AGAP1: variants seen among roughly 807,000 people sequenced by gnomAD.
The protein encoded by AGAP1 is arf-GAP with GTPase, ANK repeat and PH domain-containing protein 1.
AGAP1 carries 29 observed loss-of-function variants against 105.3 expected under a neutral mutation model. That is an observed-to-expected ratio of 0.28 (90% confidence interval 0.21 to 0.38). The LOEUF is 0.38. AGAP1 is among the 10% of genes least tolerant of loss of function. The pLI is 1.00. For synonymous variants in AGAP1, 509 were observed against 485.9 expected (o/e 1.05, Z -0.63); for missense variants, 998 against 1,165.1 (o/e 0.86, Z 2.09).
intron 15 of AGAP1, among the ~76,000 whole-genome samples, chr2:236,047,374 G>A (rs986459602): frequency 6.6e-6 from 1 of 151,990 alleles, no homozygotes; most frequent in Admixed American, 6.6e-5. Flanking sequence ...CGCCAGCTGT[G>A]TGCCATGCCT....
chr2:235,618,296 G>A (rs1004521110), intron 1 of AGAP1, among the ~76,000 whole-genome samples: 1 of 152,124 alleles, frequency 6.6e-6, no homozygotes, highest in Non-Finnish European at 1.5e-5. Flanking sequence ...AATTCCAGTA[G>A]GTTTTTGTAG....
In AGAP1 at chr2:235,971,294, A is replaced by G. The variant is rs1223809123; in HGVS notation, c.1645+2671A>G. Among the ~76,000 whole-genome samples the G allele has an allele frequency of 6.6e-6, 1 of 152,256 alleles. No individual in the cohort carries two copies. The highest frequency in any genetic ancestry group is 1.5e-5 in the Non-Finnish European group (1 of 68,046). On this transcript the variant is annotated intron_variant, in intron 13 of 17. Coordinates refer to ENST00000304032, the MANE Select transcript of AGAP1 (RefSeq NM_001037131.3). This position sits in a 1 kb window ranked among gnomAD's most constrained non-coding sequence, Gnocchi z 4.8. ...AAGCCACATTTTCCCCCCAAATTGT[A>G]ACATATCTGAAGTCAGAACATATCA... is the stretch of plus-strand genomic sequence containing the variant.
chr2:235,717,506 GC>G lies in AGAP1; in HGVS notation c.223-49del, dbSNP rs1951177026. On this transcript the variant is annotated intron_variant, in intron 2 of 17. Coordinates refer to ENST00000304032, the MANE Select transcript of AGAP1 (RefSeq NM_001037131.3). Reference sequence around the variant, plus strand: ...TTTAGCCTCTTAGTATTTGCAAAATGCCAAATAGAGTGATTTGATGATGCTT... The same window carrying G: ...TTTAGCCTCTTAGTATTTGCAAAATGCAAATAGAGTGATTTGATGATGCTT... 4 of 1,499,510 alleles carry G rather than the reference GC, an allele frequency of 2.7e-6. No individual in the cohort carries two copies. The African/African-American group carries it at 4.2e-5, about 16-fold the overall frequency. 92.9% of individuals were successfully genotyped at this position (1,499,510 alleles called of 1,614,324 possible). A position where few individuals can be genotyped will look rare whatever the true frequency, so the allele number is the denominator to read the frequency against.
Position 236,101,884 on chromosome 2 carries a change from T to G in AGAP1, c.2115-18308T>G, listed in dbSNP as rs1288795539. Among the ~76,000 whole-genome samples the G allele has an allele frequency of 2.0e-5, 3 of 152,238 alleles. No individual in the cohort carries two copies. Among genetic ancestry groups the G allele is most frequent in the African/African-American group, 7.2e-5 (3 of 41,474 alleles). On this transcript the variant is annotated intron_variant, in intron 16 of 17. Coordinates refer to ENST00000304032, the MANE Select transcript of AGAP1 (RefSeq NM_001037131.3). The surrounding 1 kb of genome is among the most constrained non-coding windows in gnomAD (Gnocchi z 4.9). Reference sequence around the variant, plus strand: ...GTTCACATTTTTTCTAATGGTGAAGTACAGAAACTTCCATTCTGTGTGTGA... The same window carrying G: ...GTTCACATTTTTTCTAATGGTGAAGGACAGAAACTTCCATTCTGTGTGTGA...
chr2:235,831,777 G>C (rs944071058), intron 9 of AGAP1, among the ~76,000 whole-genome samples: 7 of 152,166 alleles, frequency 4.6e-5, no homozygotes, highest in African/African-American at 7.2e-5. Context: ...ACACATTTGG[G>C]TGCAGGTTTT....
At chr2:236,048,940 C>T in intron 15 of AGAP1, 119 bp from the exon 16 acceptor site, 9 of 974,030 alleles carry the variant, frequency 9.2e-6, no homozygotes, top group Non-Finnish European at 1.4e-5. Context: ...TTTTTCTCGC[C>T]ATGGATGTGG....
chr2:235,807,187 G>T, intron 8 of AGAP1, 52 bp from the exon 9 acceptor site: 2 of 1,559,378 alleles, frequency 1.3e-6, no homozygotes, highest in South Asian at 2.3e-5. Context: ...GCAGAGCCCC[G>T]TCTGTGAACC....
At chr2:235,604,385 G>A (rs1475180921) in intron 1 of AGAP1, among the ~76,000 whole-genome samples, 1 of 151,436 alleles carries the variant, frequency 6.6e-6, no homozygotes, top group Non-Finnish European at 1.5e-5. Context: ...GGGAAGCTGA[G>A]GCAGGAAGAT....
Position 235,596,271 on chromosome 2 carries a change from C to G in AGAP1, c.163+101422C>G, listed in dbSNP as rs1280828442. Among the ~76,000 whole-genome samples the G allele has an allele frequency of 2.0e-5, 3 of 152,200 alleles. No homozygotes were observed. ...TATTCACTGTTATTTAACAGATGCT[C>G]AAACTAGACAGGTGGGACTGTCCAG... On this transcript the variant is annotated intron_variant, in intron 1 of 17. Coordinates refer to ENST00000304032, the MANE Select transcript of AGAP1 (RefSeq NM_001037131.3). The surrounding 1 kb of genome is among the most constrained non-coding windows in gnomAD (Gnocchi z 5.9).
rs2052724447 is a variant in AGAP1, at chr2:235,931,602, C to G, written c.1483+679C>G. 6.6e-6 allele frequency among the ~76,000 whole-genome samples: 1 copy of G among 151,950 alleles called. No homozygotes were observed. Among genetic ancestry groups the G allele is most frequent in the African/African-American group, 2.4e-5 (1 of 41,354 alleles). On this transcript the variant is annotated intron_variant, in intron 12 of 17. Coordinates refer to ENST00000304032, the MANE Select transcript of AGAP1 (RefSeq NM_001037131.3). This position sits in a 1 kb window ranked among gnomAD's most constrained non-coding sequence, Gnocchi z 5.6. ...TGTGGCGTTTTGTCTCTGGCCTGTTCACCGGTATTTAAAGGAATTCCCACT... is the reference window on the plus strand; with the variant it reads ...TGTGGCGTTTTGTCTCTGGCCTGTTGACCGGTATTTAAAGGAATTCCCACT...
At chr2:235,695,609 A>G (rs1460839436) in intron 1 of AGAP1, among the ~76,000 whole-genome samples, 1 of 152,080 alleles carries the variant, frequency 6.6e-6, no homozygotes, top group Non-Finnish European at 1.5e-5. Context: ...TGGACACAGT[A>G]TTTGGTGGGG....
intron 1 of AGAP1, among the ~76,000 whole-genome samples, chr2:235,672,331 G>T (rs1168568797): frequency 6.6e-6 from 1 of 152,212 alleles, no homozygotes; most frequent in African/African-American, 2.4e-5. Context: ...ATGATCCTCA[G>T]AATGTGCTAG....
chr2:235,767,143 T>TGC (rs1163625337), intron 6 of AGAP1, among the ~76,000 whole-genome samples: 16 of 152,108 alleles, frequency 1.1e-4, no homozygotes, highest in Admixed American at 3.9e-4. Flanking sequence ...ACTCCTGACC[T>TGC]CAGGTGATCT....
intron 16 of AGAP1, among the ~76,000 whole-genome samples, chr2:236,108,411 CG>C (rs1359095735): frequency 6.6e-6 from 1 of 152,150 alleles, no homozygotes; most frequent in Non-Finnish European, 1.5e-5. Flanking sequence ...CAACACCAGG[CG>C]GGCGGGTCCC....
chr2:236,101,020 A>G lies in AGAP1; in HGVS notation c.2115-19172A>G, dbSNP rs140339764. Among the ~76,000 whole-genome samples, 124 of 152,254 alleles carry G rather than the reference A, an allele frequency of 8.1e-4. No homozygotes were observed. Among genetic ancestry groups the G allele is most frequent in the African/African-American group, 2.9e-3 (122 of 41,568 alleles). On this transcript the variant is annotated intron_variant, in intron 16 of 17. Coordinates refer to ENST00000304032, the MANE Select transcript of AGAP1 (RefSeq NM_001037131.3). This position sits in a 1 kb window ranked among gnomAD's most constrained non-coding sequence, Gnocchi z 4.9. The stretch of plus-strand genomic sequence containing the variant: ...ACTGCAAAGAATGTGAGCATCAGCT[A>G]GGCTGACACAGGGGTCCGCAGACCC...
intron 15 of AGAP1, among the ~76,000 whole-genome samples, chr2:236,041,669 A>G (rs929020574): frequency 7.9e-5 from 12 of 152,088 alleles, no homozygotes; most frequent in Admixed American, 3.3e-4. Flanking sequence ...TTTTGAAGAG[A>G]AGGAAGTTCA....
At chr2:235,679,526 G>T (rs1948947085) in intron 1 of AGAP1, among the ~76,000 whole-genome samples, 1 of 152,160 alleles carries the variant, frequency 6.6e-6, no homozygotes, top group Admixed American at 6.5e-5. Flanking sequence ...TATAAATGGG[G>T]AGAATAGAGT....
Position 235,752,899 on chromosome 2 carries a change from G to A in AGAP1, c.673+2411G>A, listed in dbSNP as rs1001220056. Among the ~76,000 whole-genome samples, 1 of 152,166 alleles carries A rather than the reference G, an allele frequency of 6.6e-6. No homozygotes were observed. Among genetic ancestry groups the A allele is most frequent in the African/African-American group, 2.4e-5 (1 of 41,440 alleles). ...ACAGACTTTTACTTGTCCTACTTACGGAGGATGGGAGTCCAGGGCCAGGTG... is the reference window on the plus strand; with the variant it reads ...ACAGACTTTTACTTGTCCTACTTACAGAGGATGGGAGTCCAGGGCCAGGTG... On this transcript the variant is annotated intron_variant, in intron 6 of 17. Coordinates refer to ENST00000304032, the MANE Select transcript of AGAP1 (RefSeq NM_001037131.3). This position sits in a 1 kb window ranked among gnomAD's most constrained non-coding sequence, Gnocchi z 4.3.
chr2:235,891,301 C>T lies in AGAP1; in HGVS notation c.1155+7852C>T, dbSNP rs1050039836. Among the ~76,000 whole-genome samples, 2 of 152,134 alleles carry T rather than the reference C, an allele frequency of 1.3e-5. No individual in the cohort carries two copies. Among genetic ancestry groups the T allele is most frequent in the South Asian group, 2.1e-4 (1 of 4,814 alleles). On this transcript the variant is annotated intron_variant, in intron 10 of 17. Coordinates refer to ENST00000304032, the MANE Select transcript of AGAP1 (RefSeq NM_001037131.3). The surrounding 1 kb of genome is among the most constrained non-coding windows in gnomAD (Gnocchi z 4.2). ...CACGCTGGCTGATGCTGCTGCTCTG[C>T]GGTCTACATTTTTGTGTCTTTGAAA... is the stretch of plus-strand genomic sequence containing the variant.
Sources: allele counts gnomAD v4.1 joint callset (sites outside exome capture counted in the v4.1 genomes callset), GRCh38; gene constraint gnomAD v4.1.1; non-coding constraint Gnocchi (gnomAD v3.1); transcripts MANE v1.5; gene names NCBI Gene and HGNC (gene_info 2026-07-23, HGNC 2026-07-21).